DGKB: variants seen among roughly 807,000 people sequenced by gnomAD.
DGKB encodes diacylglycerol kinase beta, also known as 90 kDa diacylglycerol kinase.
In DGKB, 67 loss-of-function variants were observed where a neutral mutation model predicts 114.3. That is an observed-to-expected ratio of 0.59 (90% CI 0.48 to 0.72). The LOEUF is 0.72. Among genes scored for constraint, DGKB ranks in the 30% least tolerant of loss-of-function variants. The pLI is 0.00. For missense variants in DGKB, 907 were observed against 975.2 expected (o/e 0.93, Z 0.93); for synonymous variants, 398 against 323.1 (o/e 1.23, Z -2.49).
chr7:14,174,756 A>G (rs1159744678), intron 25 of DGKB, among the ~76,000 whole-genome samples: 2 of 152,154 alleles, frequency 1.3e-5, no homozygotes, highest in East Asian at 1.9e-4. Context: ...CCTCTGCAAT[A>G]GCATCACCAC....
chr7:14,533,488 T>C (rs941219941), intron 20 of DGKB, among the ~76,000 whole-genome samples: 2 of 151,908 alleles, frequency 1.3e-5, no homozygotes, highest in Non-Finnish European at 3.0e-5. Flanking sequence ...TATTTAAAAG[T>C]TATTATTTTT....
At chr7:14,695,559 G>C (rs1486490616) in intron 8 of DGKB, among the ~76,000 whole-genome samples, 1 of 138,106 alleles carries the variant, frequency 7.2e-6, no homozygotes, top group Non-Finnish European at 1.5e-5. Flanking sequence ...GAGTGCTGTG[G>C]CGCAATCTGG....
At position 14,282,144 on chromosome 7, in the gene DGKB, A is replaced by G. The variant is rs1469059262; in HGVS notation, c.2122+56371T>C. 3.7e-4 allele frequency among the ~76,000 whole-genome samples: 27 copies of G among 72,622 alleles called. 1 individual carries two copies. The Middle Eastern group carries it at 0.013, about 34-fold the overall frequency. The allele number at this position is 72,622 out of a possible 152,430, so 47.6% of individuals were successfully genotyped here. On this transcript the variant is annotated intron_variant, in intron 23 of 25. Coordinates refer to ENST00000402815, the MANE Select transcript of DGKB (RefSeq NM_001350709.2). The stretch of plus-strand genomic sequence containing the variant: ...ACTAATAAAGAAAAAAAGAGAGAAG[A>G]ATCAAATAGACGCAATAAAAAATGA...
At chr7:14,255,614 G>A (rs902820415) in intron 23 of DGKB, among the ~76,000 whole-genome samples, 2 of 152,034 alleles carry the variant, frequency 1.3e-5, no homozygotes, top group African/African-American at 2.4e-5. Flanking sequence ...AGACTTTCAC[G>A]TGTAAAAAAT....
At chr7:14,479,781 T>C (rs1183119264) in intron 20 of DGKB, among the ~76,000 whole-genome samples, 1 of 152,120 alleles carries the variant, frequency 6.6e-6, no homozygotes, top group East Asian at 1.9e-4. Context: ...ATGGTATATG[T>C]AGCATGATCA....
chr7:14,798,271 G>A lies in DGKB; in HGVS notation c.71-40540C>T, dbSNP rs139764452. 6.0e-4 allele frequency among the ~76,000 whole-genome samples: 91 copies of A among 152,252 alleles called. 1 individual carries two copies. Among genetic ancestry groups the A allele is most frequent in the Admixed American group, 6.5e-4 (10 of 15,286 alleles). ...AAGACTGGGTTTTTACCAGGGACCT[G>A]TCCCTGTCTGCCTAGGAATTTGTCT... is the stretch of plus-strand genomic sequence containing the variant. On this transcript the variant is annotated intron_variant, in intron 2 of 25. Coordinates refer to ENST00000402815, the MANE Select transcript of DGKB (RefSeq NM_001350709.2).
intron 1 of DGKB, among the ~76,000 whole-genome samples, chr7:14,912,462 T>C (rs1462927885): frequency 6.6e-6 from 1 of 152,130 alleles, no homozygotes; most frequent in African/African-American, 2.4e-5. Context: ...GGGGGACTGG[T>C]TGGGGTAATT....
At chr7:14,277,747 A>T (rs770316804) in intron 23 of DGKB, among the ~76,000 whole-genome samples, 8 of 152,196 alleles carry the variant, frequency 5.3e-5, no homozygotes, top group Non-Finnish European at 2.9e-5. Context: ...TCCTTTTGAC[A>T]TATTGATTTC....
chr7:14,343,017 A>G (rs1331715232), intron 22 of DGKB, among the ~76,000 whole-genome samples: 1 of 151,784 alleles, frequency 6.6e-6, no homozygotes, highest in Non-Finnish European at 1.5e-5. Context: ...AAGCAACAAC[A>G]AACAGAATCA....
At chr7:14,764,956 T>C (rs578044845) in intron 2 of DGKB, among the ~76,000 whole-genome samples, 59 of 152,040 alleles carry the variant, frequency 3.9e-4, no homozygotes, top group Middle Eastern at 3.4e-3. Context: ...TACAGGACTA[T>C]AGAATAAGAG....
At chr7:14,899,547 A>G (rs530231649) in intron 1 of DGKB, among the ~76,000 whole-genome samples, 34 of 151,932 alleles carry the variant, frequency 2.2e-4, no homozygotes, top group African/African-American at 8.0e-4. Context: ...TGATTCCCTT[A>G]TTTTCTTTTT....
In DGKB at chr7:14,409,227, A is replaced by C. The variant is rs188764966; in HGVS notation, c.1836-63836T>G. 5.8e-3 allele frequency among the ~76,000 whole-genome samples: 884 copies of C among 152,218 alleles called. 7 individuals carry two copies. The highest frequency in any genetic ancestry group is 0.017 in the Middle Eastern group (5 of 294). ...ACTCCACGTGATGCTAATCATCCCG[A>C]GGGAGCAGTTCCTTTCTCTAGTAAA... On this transcript the variant is annotated intron_variant, in intron 21 of 25. Coordinates refer to ENST00000402815, the MANE Select transcript of DGKB (RefSeq NM_001350709.2).
intron 1 of DGKB, among the ~76,000 whole-genome samples, chr7:14,932,540 A>C (rs768536463): frequency 6.6e-6 from 1 of 152,210 alleles, no homozygotes; most frequent in African/African-American, 2.4e-5. Flanking sequence ...CCATAAAATT[A>C]TACTTTTAAA....
intron 23 of DGKB, among the ~76,000 whole-genome samples, chr7:14,216,687 T>C (rs1187849792): frequency 2.2e-5 from 3 of 137,312 alleles, no homozygotes; most frequent in African/African-American, 8.5e-5. Flanking sequence ...GATTGAAACA[T>C]TACACTCCAA....
At chr7:14,649,356 A>G (rs1813899465) in intron 13 of DGKB, among the ~76,000 whole-genome samples, 1 of 151,326 alleles carries the variant, frequency 6.6e-6, no homozygotes, top group African/African-American at 2.4e-5. Flanking sequence ...TTCTTAAAGA[A>G]AAGAATTTTC....
At chr7:14,464,931 A>G (rs1343611526) in intron 21 of DGKB, among the ~76,000 whole-genome samples, 1 of 152,042 alleles carries the variant, frequency 6.6e-6, no homozygotes, top group Non-Finnish European at 1.5e-5. Context: ...CAGAGATCAC[A>G]TTTTCCTGAG....
chr7:14,950,017 C>T (rs148833687), intron 1 of DGKB, among the ~76,000 whole-genome samples: 2,226 of 151,572 alleles, frequency 0.015, 24 homozygotes, highest in Non-Finnish European at 0.026. Flanking sequence ...TGAGTTAATG[C>T]GTGCAGCACA....
In DGKB at chr7:14,491,000, A is replaced by G. The variant is rs143124478; in HGVS notation, c.1771-12775T>C. On this transcript the variant is annotated intron_variant, in intron 20 of 25. Transcript: ENST00000402815. ...GGAGAGATGCTAATGTTTGCCCTTTAGAAAGAATAGATCTGAGTTTAAGGG... is the reference window on the plus strand; with the variant it reads ...GGAGAGATGCTAATGTTTGCCCTTTGGAAAGAATAGATCTGAGTTTAAGGG... Among the ~76,000 whole-genome samples the G allele has an allele frequency of 7.2e-3, 1,087 of 151,852 alleles. 12 individuals are homozygous for G. The highest frequency in any genetic ancestry group is 0.027 in the Middle Eastern group (8 of 294).
chr7:14,533,660 G>A (rs538017211), intron 20 of DGKB, among the ~76,000 whole-genome samples: 15 of 151,916 alleles, frequency 9.9e-5, no homozygotes, highest in African/African-American at 3.6e-4. Flanking sequence ...CAAAGACAAA[G>A]AGAGAATTTT....
Sources: allele counts gnomAD v4.1 joint callset (sites outside exome capture counted in the v4.1 genomes callset), GRCh38; gene constraint gnomAD v4.1.1; transcripts MANE v1.5; gene names NCBI Gene and HGNC (gene_info 2026-07-23, HGNC 2026-07-21).